Variants in PXDNL observed in about 807,000 individuals in gnomAD.
PXDNL encodes the protein probable oxidoreductase PXDNL.
In PXDNL, 145 loss-of-function variants were observed where a neutral mutation model predicts 150.8. The observed-to-expected ratio is 0.96, with a 90% CI of 0.84 to 1.10. PXDNL has a LOEUF of 1.10. PXDNL is among the 50% of genes least tolerant of loss of function. The probability of loss-of-function intolerance (pLI) is 0.00; values close to 1 mark genes in which losing one functional copy is unlikely to be tolerated. For synonymous variants in PXDNL, 757 were observed against 725.7 expected (o/e 1.04, Z -0.69); for missense variants, 2,087 against 1,873.9 (o/e 1.11, Z -2.10).
At chr8:51,703,177 A>G (rs1182179048) in intron 1 of PXDNL, among the ~76,000 whole-genome samples, 1 of 152,040 alleles carries the variant, frequency 6.6e-6, no homozygotes, top group African/African-American at 2.4e-5. Context: ...AACTTCTTTT[A>G]ATTTTCTGTG....
At chr8:51,323,606 T>A (rs1236101345) in intron 21 of PXDNL, among the ~76,000 whole-genome samples, 1 of 152,026 alleles carries the variant, frequency 6.6e-6, no homozygotes. Flanking sequence ...GGGAAATAAA[T>A]AGTTTAAGAA....
chr8:51,449,094 G>C lies in PXDNL; in HGVS notation c.1274C>G (p.Pro425Arg), dbSNP rs1233320512. ...VQAPPQFTVT[P>R]KDQVVLEEHA... is the part of the protein sequence containing the mutation. ...TTCTTCCAGCACCACTTGATCCTTG[G>C]GGGTTACTGTAAATTGTGGAGGAGC... The change falls in exon 11 of 23, where the codon CCC becomes CGC. Residue 425 changes from proline (P) to arginine (R), a missense_variant. Coordinates refer to ENST00000356297, the MANE Select transcript of PXDNL (RefSeq NM_144651.5). 6.5e-7 allele frequency: 1 copy of C among 1,550,290 alleles called. No individual in the cohort carries two copies. The highest frequency in any genetic ancestry group is 2.0e-5 in the Admixed American group (1 of 50,912).
chr8:51,608,305 C>T (rs1243152274), intron 2 of PXDNL, among the ~76,000 whole-genome samples: 4 of 142,552 alleles, frequency 2.8e-5, no homozygotes, highest in Admixed American at 2.8e-4. Context: ...AGGAGAATGG[C>T]GTGAACCCGG....
At position 51,600,834 on chromosome 8, in the gene PXDNL, T is replaced by A. The variant is rs1200198483; in HGVS notation, c.237-8136A>T. ...TATATAAATTATATGGTTTAGATAA[T>A]AAATTACATCTTATATAAATTATAT... On this transcript the variant is annotated intron_variant, in intron 2 of 22. Transcript: ENST00000356297. Among the ~76,000 whole-genome samples the A allele has an allele frequency of 3.6e-5, 5 of 137,726 alleles. No homozygotes were observed. The Admixed American group carries it at 3.7e-4, about 10-fold the overall frequency. The allele number at this position is 137,726 out of a possible 152,430, so 90.4% of individuals were successfully genotyped here.
At chr8:51,320,974 T>C in intron 21 of PXDNL, 77 bp from the exon 22 acceptor site, 1 of 1,046,390 alleles carries the variant, frequency 9.6e-7, no homozygotes, top group South Asian at 1.3e-5. Context: ...CATGGTTTGA[T>C]GAAATGCTCT....
chr8:51,624,884 T>C (rs1322256816), intron 2 of PXDNL, among the ~76,000 whole-genome samples: 1 of 151,894 alleles, frequency 6.6e-6, no homozygotes, highest in African/African-American at 2.4e-5. Flanking sequence ...TACCCATCTA[T>C]TATTGTGCAG....
Position 51,413,130 on chromosome 8 carries a change from T to G in PXDNL, c.1904+20A>C. 1 of 1,375,964 alleles carries G rather than the reference T, an allele frequency of 7.3e-7. No individual in the cohort carries two copies. Among genetic ancestry groups the G allele is most frequent in the Non-Finnish European group, 1.0e-6 (1 of 964,364 alleles). The allele number at this position is 1,375,964 out of a possible 1,614,324, so 85.2% of individuals were successfully genotyped here. ...CAGAAATGAAAACAAGGTTTCAATCTGTGTAAAATAAATTCTTACTGTGAA... is the reference window on the plus strand; with the variant it reads ...CAGAAATGAAAACAAGGTTTCAATCGGTGTAAAATAAATTCTTACTGTGAA... On this transcript the variant is annotated intron_variant, in intron 15 of 22. Transcript: ENST00000356297.
At chr8:51,562,907 G>A (rs1398803143) in intron 3 of PXDNL, among the ~76,000 whole-genome samples, 3 of 151,948 alleles carry the variant, frequency 2.0e-5, no homozygotes, top group Non-Finnish European at 4.4e-5. Flanking sequence ...GTGGGTGGAT[G>A]TGACACCAAG....
rs1809965145 is a variant in PXDNL at position 51,457,611 on chromosome 8, A to C, written c.869T>G (p.Leu290Arg). 1.9e-6 allele frequency: 3 copies of C among 1,613,896 alleles called. No homozygotes were observed. Among genetic ancestry groups the C allele is most frequent in the Non-Finnish European group, 2.5e-6 (3 of 1,179,834 alleles). The change falls in exon 9 of 23, where the codon CTC (leucine) becomes CGC (arginine). Residue 290 changes from leucine to arginine, a missense_variant. Physicochemically the swap from Leu to Arg is moderately radical, Grantham distance 102. Transcript: ENST00000356297. The stretch of plus-strand genomic sequence containing the variant: ...TGACTCTCTGGTGTTTCGGATCATG[A>C]GTGTGCCATCATCAAACACATTAAG... ...TRLNVFDDGT[L>R]MIRNTRESDQ...
intron 14 of PXDNL, among the ~76,000 whole-genome samples, chr8:51,413,902 A>G (rs1226927156): frequency 1.3e-5 from 2 of 152,184 alleles, no homozygotes; most frequent in East Asian, 3.8e-4. Flanking sequence ...ATGAATATTT[A>G]CAGTTCATAT....
intron 8 of PXDNL, among the ~76,000 whole-genome samples, chr8:51,470,919 G>T (rs4503089): frequency 0.53 from 79,727 of 151,686 alleles, 24,784 homozygotes; most frequent in Non-Finnish European, 0.69. Flanking sequence ...CAGGACATAG[G>T]CACGGGCAAA....
chr8:51,370,798 T>C (rs905679556), intron 19 of PXDNL, among the ~76,000 whole-genome samples: 1 of 152,234 alleles, frequency 6.6e-6, no homozygotes, highest in African/African-American at 2.4e-5. Flanking sequence ...GGTTTCGCCA[T>C]GTTGGCCAGG....
Position 51,592,617 on chromosome 8 carries a change from T to C in PXDNL, c.308+10A>G. The C allele has an allele frequency of 6.5e-7, 1 of 1,528,952 alleles. No homozygotes were observed. The highest frequency in any genetic ancestry group is 8.8e-7 in the Non-Finnish European group (1 of 1,131,972). The allele number at this position is 1,528,952 out of a possible 1,614,324, so 94.7% of individuals were successfully genotyped here. A position where few individuals can be genotyped will look rare whatever the true frequency, so the allele number is the denominator to read the frequency against. On this transcript the variant is annotated intron_variant, in intron 3 of 22. Coordinates refer to ENST00000356297, the MANE Select transcript of PXDNL (RefSeq NM_144651.5). The stretch of plus-strand genomic sequence containing the variant: ...ACCATAAGGCATTGTTGTTTTTTCT[T>C]ATAACTTACAGATATAGCAAATTTT...
intron 1 of PXDNL, among the ~76,000 whole-genome samples, chr8:51,734,514 A>G (rs960370119): frequency 2.0e-5 from 3 of 152,260 alleles, no homozygotes; most frequent in African/African-American, 4.8e-5. Flanking sequence ...ACAGCTCATC[A>G]ACATCAATAC....
intron 1 of PXDNL, among the ~76,000 whole-genome samples, chr8:51,790,016 C>G (rs1269837290): frequency 6.6e-6 from 1 of 152,042 alleles, no homozygotes; most frequent in African/African-American, 2.4e-5. Context: ...TTACAGTGAA[C>G]AATCCAATGC....
intron 2 of PXDNL, among the ~76,000 whole-genome samples, chr8:51,602,301 C>G (rs997198467): frequency 6.6e-6 from 1 of 151,958 alleles, no homozygotes; most frequent in Non-Finnish European, 1.5e-5. Context: ...CTCCTTCTCT[C>G]TCAGGAATAC....
chr8:51,602,843 T>C (rs1009541674), intron 2 of PXDNL, among the ~76,000 whole-genome samples: 1 of 151,684 alleles, frequency 6.6e-6, no homozygotes, highest in Admixed American at 6.6e-5. Context: ...ATTATACAGA[T>C]GTTTTAAATT....
chr8:51,595,960 T>C (rs1813555086), intron 2 of PXDNL, among the ~76,000 whole-genome samples: 1 of 152,144 alleles, frequency 6.6e-6, no homozygotes, highest in Non-Finnish European at 1.5e-5. Flanking sequence ...CCTCGGTATA[T>C]TGCATGATTC....
chr8:51,514,631 T>C (rs959997887), intron 4 of PXDNL, among the ~76,000 whole-genome samples: 1 of 152,168 alleles, frequency 6.6e-6, no homozygotes, highest in Non-Finnish European at 1.5e-5. Context: ...TATAAATCAG[T>C]TGGTGCTCCT....
Sources: allele counts gnomAD v4.1 joint callset (sites outside exome capture counted in the v4.1 genomes callset), GRCh38; gene constraint gnomAD v4.1.1; transcripts MANE v1.5; gene names NCBI Gene and HGNC (gene_info 2026-07-23, HGNC 2026-07-21).